PCNX2: variants seen among roughly 807,000 people sequenced by gnomAD.
The protein encoded by PCNX2 is pecanex 2, also known as pecanex-like protein 2.
In PCNX2, 168 loss-of-function variants were observed where a neutral mutation model predicts 223.8. The observed-to-expected ratio is 0.75, with a 90% CI of 0.66 to 0.85. The LOEUF is 0.85. Ranked by LOEUF, PCNX2 falls within the 40% of genes least tolerant of loss-of-function variation. PCNX2 has a pLI of 0.00. For missense variants in PCNX2, 2,507 were observed against 2,675.5 expected (o/e 0.94, Z 1.39); for synonymous variants, 1,006 against 1,052.6 (o/e 0.96, Z 0.86).
chr1:233,085,155 A>G (rs1270244032), intron 23 of PCNX2, among the ~76,000 whole-genome samples: 1 of 152,162 alleles, frequency 6.6e-6, no homozygotes, highest in African/African-American at 2.4e-5. Context: ...CAACATGGTG[A>G]AACCCCATCT....
chr1:233,163,127 CTATAT>C (rs1678589618), intron 17 of PCNX2, among the ~76,000 whole-genome samples: 1 of 136,856 alleles, frequency 7.3e-6, no homozygotes, highest in South Asian at 2.6e-4. Context: ...CATTTCTTTC[CTATAT>C]TATAATTTCT....
chr1:233,052,885 C>T (rs1672057054), intron 25 of PCNX2, among the ~76,000 whole-genome samples: 2 of 151,992 alleles, frequency 1.3e-5, no homozygotes, highest in Non-Finnish European at 2.9e-5. Flanking sequence ...GATCTAGAAA[C>T]TTGGGGGGCA....
chr1:233,117,350 G>A (rs1009744101), intron 21 of PCNX2, among the ~76,000 whole-genome samples: 5 of 148,716 alleles, frequency 3.4e-5, no homozygotes, highest in Admixed American at 1.3e-4. Flanking sequence ...CACAACCCCC[G>A]GCCTGGCGCG....
rs1394045872 is a variant in PCNX2 at position 233,200,180 on chromosome 1, A to G, written c.2948T>C (p.Ile983Thr). The change falls in exon 14 of 34, where the codon ATT becomes ACT. Residue 983 changes from isoleucine (I) to threonine (T), a missense_variant. Around this residue, in one of 3 missense-constraint regions of PCNX2, gnomAD observed 1,372 missense variants for 1,509.4 expected, o/e 0.91. Transcript: ENST00000258229. ...AGAACCACCAAAAAACAGCATGTCA[A>G]TTTGCTCCAAAAGATAAGTGCAGAA... ...NTFCTYLLEQIDMLFFGGSAV... is the reference protein window; with the variant it reads ...NTFCTYLLEQTDMLFFGGSAV... 3 of 1,591,700 alleles carry G rather than the reference A, an allele frequency of 1.9e-6. No individual in the cohort carries two copies. Among genetic ancestry groups the G allele is most frequent in the East Asian group, 2.3e-5 (1 of 44,242 alleles).
intron 21 of PCNX2, among the ~76,000 whole-genome samples, chr1:233,097,658 C>T (rs80046036): frequency 0.021 from 3,253 of 152,262 alleles, 36 homozygotes; most frequent in East Asian, 0.043. Flanking sequence ...CAACCCGTCA[C>T]TCTGTCAACC....
chr1:233,058,298 CT>C (rs1327882314), intron 23 of PCNX2: 2 of 152,672 alleles, frequency 1.3e-5, no homozygotes, highest in Non-Finnish European at 2.9e-5. Context: ...CTCACCAGTC[CT>C]TGAACTCCAC....
intron 1 of PCNX2, among the ~76,000 whole-genome samples, chr1:233,280,447 G>A (rs1276947210): frequency 1.3e-5 from 2 of 151,934 alleles, no homozygotes; most frequent in Admixed American, 6.6e-5. Context: ...ATAGGCATGC[G>A]CCACCATGCC....
intron 5 of PCNX2, 92 bp from the exon 6 acceptor site, chr1:233,252,880 G>C: frequency 7.6e-7 from 1 of 1,323,866 alleles, no homozygotes; most frequent in Non-Finnish European, 1.0e-6. Flanking sequence ...AACAAGAATA[G>C]AAAGAAAATC....
At chr1:233,048,000 T>A (rs1468555646) in intron 25 of PCNX2, among the ~76,000 whole-genome samples, 1 of 152,062 alleles carries the variant, frequency 6.6e-6, no homozygotes, top group African/African-American at 2.4e-5. Context: ...ATGGAAATAA[T>A]ATCATCCATA....
chr1:233,312,095 T>G, the PCNX2 span, among the ~76,000 whole-genome samples: 1 of 152,006 alleles, frequency 6.6e-6, no homozygotes, highest in Non-Finnish European at 1.5e-5. Flanking sequence ...ACCACTGCAC[T>G]CCAGCCTGGG....
chr1:233,129,440 C>A (rs555684486), intron 21 of PCNX2, among the ~76,000 whole-genome samples: 5 of 152,240 alleles, frequency 3.3e-5, no homozygotes, highest in African/African-American at 1.2e-4. Context: ...CCCCGAAGAG[C>A]GCTGCCCCCT....
chr1:233,109,573 G>A (rs1674995208), intron 21 of PCNX2, among the ~76,000 whole-genome samples: 1 of 152,188 alleles, frequency 6.6e-6, no homozygotes, highest in Non-Finnish European at 1.5e-5. Flanking sequence ...ACTGGACACA[G>A]TCGAGGAAAT....
chr1:233,111,080 T>C (rs995471710), intron 21 of PCNX2, among the ~76,000 whole-genome samples: 2 of 152,182 alleles, frequency 1.3e-5, no homozygotes, highest in East Asian at 1.9e-4. Context: ...TGTCTCCTTC[T>C]AGAGACTCTT....
intron 21 of PCNX2, among the ~76,000 whole-genome samples, chr1:233,123,224 G>A (rs1345469326): frequency 6.6e-6 from 1 of 152,086 alleles, no homozygotes; most frequent in Non-Finnish European, 1.5e-5. Context: ...GGGGTATATG[G>A]GAATTCTCTA....
At chr1:233,188,573 AGTGCAGTG>A (rs921530810) in intron 15 of PCNX2, among the ~76,000 whole-genome samples, 2 of 152,066 alleles carry the variant, frequency 1.3e-5, no homozygotes, top group Non-Finnish European at 2.9e-5. Context: ...CCCAGGCTGG[AGTGCAGTG>A]GTGTGATCTC....
At chr1:233,146,624 C>T (rs957658256) in intron 19 of PCNX2, among the ~76,000 whole-genome samples, 3 of 152,116 alleles carry the variant, frequency 2.0e-5, no homozygotes, top group African/African-American at 7.2e-5. Context: ...CATTTGTCAC[C>T]AATTCAGAGA....
intron 21 of PCNX2, among the ~76,000 whole-genome samples, chr1:233,096,774 T>C (rs750841010): frequency 1.3e-5 from 2 of 152,180 alleles, no homozygotes; most frequent in African/African-American, 2.4e-5. Flanking sequence ...TTAGGCTCAA[T>C]AGCCATTATA....
intron 10 of PCNX2, among the ~76,000 whole-genome samples, chr1:233,223,541 C>T (rs546059815): frequency 2.0e-4 from 30 of 152,174 alleles, no homozygotes; most frequent in Admixed American, 8.5e-4. Flanking sequence ...GTTTGCTGCA[C>T]CCATCAACCC....
At chr1:233,066,093 G>T (rs1462545917) in intron 23 of PCNX2, among the ~76,000 whole-genome samples, 2 of 152,282 alleles carry the variant, frequency 1.3e-5, no homozygotes, top group African/African-American at 2.4e-5. Context: ...TGGGTAGGGG[G>T]TACCCACTTA....
Sources: gnomAD v4.1 joint callset for allele counts (sites outside exome capture counted in the v4.1 genomes callset) on GRCh38, gnomAD v4.1.1 for gene constraint, gnomAD v4.1.1 regional missense constraint, MANE v1.5 for transcripts, NCBI Gene and HGNC (gene_info 2026-07-23, HGNC 2026-07-21) for gene names.